The following RAP1GAP variants were observed in gnomAD, a reference collection of about 807,000 sequenced individuals.
RAP1GAP encodes the protein rap1 GTPase-activating protein 1.
Under a neutral mutation model 87.2 loss-of-function variants are expected in RAP1GAP, and 35 were observed. The ratio of observed to expected loss-of-function variants is 0.40; its 90% CI spans 0.31 to 0.53. RAP1GAP has a LOEUF of 0.53. Ranked by LOEUF, RAP1GAP falls within the 20% of genes least tolerant of loss-of-function variation. The pLI, the probability that RAP1GAP is intolerant of heterozygous loss-of-function variation, is 0.48. For missense variants in RAP1GAP, 734 were observed against 898.9 expected (o/e 0.82, Z 2.35); for synonymous variants, 375 against 363.9 (o/e 1.03, Z -0.35).
intron 2 of RAP1GAP, among the ~76,000 whole-genome samples, chr1:21,633,109 G>A (rs530823008): frequency 3.3e-5 from 5 of 152,324 alleles, no homozygotes; most frequent in African/African-American, 9.6e-5. Context: ...TAAAGTGCTT[G>A]TAATTATTAT....
intron 7 of RAP1GAP, 66 bp from the exon 8 acceptor site, chr1:21,614,155 C>T (rs2080358490): frequency 2.6e-6 from 3 of 1,171,944 alleles, no homozygotes; most frequent in Admixed American, 2.1e-5. Flanking sequence ...GAAACAAGGC[C>T]AGAAAGCCAA....
At chr1:21,610,391 G>T in intron 13 of RAP1GAP, 116 bp from the exon 14 acceptor site, 1 of 1,104,380 alleles carries the variant, frequency 9.1e-7, no homozygotes, top group Non-Finnish European at 1.3e-6. Context: ...CTAAGGATTT[G>T]CTTTCCCCAA....
chr1:21,626,760 C>T (rs1477403152), intron 2 of RAP1GAP, among the ~76,000 whole-genome samples: 5 of 152,202 alleles, frequency 3.3e-5, no homozygotes, highest in African/African-American at 9.7e-5. Flanking sequence ...GGACCCCTCC[C>T]TGAGCCTCTG....
At chr1:21,651,748 GCGCCCCGCCC>G in intron 1 of RAP1GAP, 1 of 1,425,048 alleles carries the variant, frequency 7.0e-7, no homozygotes, top group Non-Finnish European at 9.2e-7. Flanking sequence ...ACGCGCGCAC[GCGCCCCGCCC>G]CGCGCCGCGC....
chr1:21,631,705 CAAA>C (rs1354688667), intron 2 of RAP1GAP, among the ~76,000 whole-genome samples: 1 of 151,780 alleles, frequency 6.6e-6, no homozygotes, highest in African/African-American at 2.4e-5. Flanking sequence ...AAAACAAAAA[CAAA>C]AAACAAAAAA....
rs145137126 is a variant in RAP1GAP, at chr1:21,617,311, C to G, written c.286G>C (p.Gly96Arg). The change falls in exon 7 of 25, where the codon GGC (glycine) becomes CGC (arginine). Residue 96 changes from glycine to arginine, a missense_variant. Around this residue, in one of 2 missense-constraint regions of RAP1GAP, gnomAD observed 485 missense variants for 646.2 expected, o/e 0.75. Coordinates refer to ENST00000374765, the MANE Select transcript of RAP1GAP (RefSeq NM_002885.4). ...TGCACCAGCCGGCCACCCACCTTGC[C>G]GAGAAAGTGCTTCCGGTAGATGCGG... ...TARIYRKHFL[G>R]KEHFNYYSLD... 3.8e-6 allele frequency: 6 copies of G among 1,571,404 alleles called. No individual in the cohort carries two copies. The highest frequency in any genetic ancestry group is 5.2e-6 in the Non-Finnish European group (6 of 1,157,670).
chr1:21,620,167 C>CT, intron 3 of RAP1GAP, 117 bp from the exon 4 acceptor site: 2 of 1,073,114 alleles, frequency 1.9e-6, no homozygotes, highest in East Asian at 2.5e-5. Flanking sequence ...AGGCACCTGT[C>CT]TGAGTAGCAA....
intron 2 of RAP1GAP, chr1:21,626,792 A>C: frequency 7.0e-6 from 3 of 426,108 alleles, no homozygotes; most frequent in Non-Finnish European, 1.4e-5. Flanking sequence ...CTTGGCATTG[A>C]GGGGCTACCA....
In RAP1GAP at chr1:21,613,287, G is replaced by T; in HGVS notation, c.475-58C>A. 7.0e-7 allele frequency: 1 copy of T among 1,427,906 alleles called. No homozygotes were observed. Among genetic ancestry groups the T allele is most frequent in the Non-Finnish European group, 9.9e-7 (1 of 1,011,088 alleles). 88.5% of individuals were successfully genotyped at this position (1,427,906 alleles called of 1,614,324 possible). ...GTGGGGCCAGGGAGGAGAGGATGGG[G>T]CTGCCTGGGCCTCCCTGGTCAAGGT... On this transcript the variant is annotated intron_variant, in intron 9 of 24. Coordinates refer to ENST00000374765, the MANE Select transcript of RAP1GAP (RefSeq NM_002885.4). This position sits in a 1 kb window ranked among gnomAD's most constrained non-coding sequence, Gnocchi z 4.7.
chr1:21,601,915 T>C (rs961700412), intron 19 of RAP1GAP, 118 bp from the exon 20 acceptor site: 5 of 653,532 alleles, frequency 7.7e-6, no homozygotes, highest in South Asian at 6.6e-5. Context: ...CACGCCCCTA[T>C]ACTCAGGGCC....
chr1:21,654,393 C>A (rs1039262663), intron 1 of RAP1GAP, among the ~76,000 whole-genome samples: 12 of 152,176 alleles, frequency 7.9e-5, no homozygotes, highest in African/African-American at 2.7e-4. Context: ...GCTTTCTGAG[C>A]CTCAGTTTTT....
At chr1:21,651,423 TGCACACACACGC>T (rs1558881490) in intron 1 of RAP1GAP, 3 of 564,840 alleles carry the variant, frequency 5.3e-6, no homozygotes, top group South Asian at 4.2e-5. Context: ...CACACACGCA[TGCACACACACGC>T]GCGCACACAC....
chr1:21,635,305 G>A (rs1032121313), intron 2 of RAP1GAP, among the ~76,000 whole-genome samples: 2 of 152,102 alleles, frequency 1.3e-5, no homozygotes, highest in Non-Finnish European at 2.9e-5. Context: ...CCGCAGCCCA[G>A]GGGGTCTCCC....
chr1:21,601,765 T>C lies in RAP1GAP; in HGVS notation c.1571A>G (p.Asp524Gly). 4.3e-6 allele frequency: 7 copies of C among 1,610,628 alleles called. No individual in the cohort carries two copies. The highest frequency in any genetic ancestry group is 5.9e-6 in the Non-Finnish European group (7 of 1,178,202). Residue 524 changes from aspartate (D) to glycine (G), a missense_variant, in exon 20 of 25, where the codon GAC becomes GGC. Physicochemically the swap from Asp to Gly is moderately conservative, Grantham distance 94. This residue lies in a region of RAP1GAP where 249 missense variants were observed against 252.7 expected (regional missense o/e 0.99). Transcript: ENST00000374765. ...GGGCTCCTGTGAGACGTGCCCGCTG[T>C]CTGGGGTCTTCTGACCAGCCGGAGG... ...ESPPAGQKTPDSGHVSQEPKS... is the reference protein window; with the variant it reads ...ESPPAGQKTPGSGHVSQEPKS...
intron 2 of RAP1GAP, among the ~76,000 whole-genome samples, chr1:21,629,394 A>C (rs1325490249): frequency 6.6e-6 from 1 of 152,100 alleles, no homozygotes; most frequent in Non-Finnish European, 1.5e-5. Flanking sequence ...CAGTCTCCCC[A>C]TGTGTAGGTG....
chr1:21,619,778 C>A (rs2085451562), intron 4 of RAP1GAP, among the ~76,000 whole-genome samples: 1 of 152,088 alleles, frequency 6.6e-6, no homozygotes, highest in Non-Finnish European at 1.5e-5. Context: ...AGCCCTGTTG[C>A]AGTTCCACAC....
chr1:21,615,824 T>C lies in RAP1GAP; in HGVS notation c.291+1482A>G, dbSNP rs1254142266. Among the ~76,000 whole-genome samples, 2 of 152,168 alleles carry C rather than the reference T, an allele frequency of 1.3e-5. No individual in the cohort carries two copies. Among genetic ancestry groups the C allele is most frequent in the African/African-American group, 4.8e-5 (2 of 41,436 alleles). On this transcript the variant is annotated intron_variant, in intron 7 of 24. Coordinates refer to ENST00000374765, the MANE Select transcript of RAP1GAP (RefSeq NM_002885.4). This position sits in a 1 kb window ranked among gnomAD's most constrained non-coding sequence, Gnocchi z 4.5. The stretch of plus-strand genomic sequence containing the variant: ...ACTTTTCTGAGTACCAACCATGTGT[T>C]TGGCATATACAGTACCCTCAGATCC...
chr1:21,611,869 C>A (rs1311874707), intron 11 of RAP1GAP, 53 bp from the exon 12 acceptor site: 2 of 1,550,534 alleles, frequency 1.3e-6, no homozygotes, highest in Admixed American at 3.3e-5. Context: ...AAGCCCCTGC[C>A]CTCTGTCCCT....
chr1:21,639,677 C>T (rs140471150), intron 2 of RAP1GAP, among the ~76,000 whole-genome samples: 33 of 152,244 alleles, frequency 2.2e-4, no homozygotes, highest in Middle Eastern at 3.4e-3. Context: ...TGGGGGCAGG[C>T]GGGGGGCACA....
Sources: gnomAD v4.1 joint callset for allele counts (sites outside exome capture counted in the v4.1 genomes callset) on GRCh38, gnomAD v4.1.1 for gene constraint, gnomAD v4.1.1 regional missense constraint, Gnocchi (gnomAD v3.1) non-coding constraint, MANE v1.5 for transcripts, NCBI Gene and HGNC (gene_info 2026-07-23, HGNC 2026-07-21) for gene names.